Variants in TEAD1 observed in about 807,000 individuals in gnomAD.
TEAD1 encodes transcriptional enhancer factor TEF-1.
In TEAD1, 9 loss-of-function variants were observed where a neutral mutation model predicts 54.9. The ratio of observed to expected loss-of-function variants is 0.16; its 90% CI spans 0.10 to 0.29. The LOEUF is 0.29. Ranked by LOEUF, TEAD1 falls within the 10% of genes least tolerant of loss-of-function variation. The pLI, the probability that TEAD1 is intolerant of heterozygous loss-of-function variation, is 1.00. For synonymous variants in TEAD1, 200 were observed against 187.8 expected (o/e 1.07, Z -0.53); for missense variants, 387 against 535.9 (o/e 0.72, Z 2.74).
At chr11:12,690,356 G>T (rs1215039763) in intron 2 of TEAD1, among the ~76,000 whole-genome samples, 1 of 152,006 alleles carries the variant, frequency 6.6e-6, no homozygotes, top group Non-Finnish European at 1.5e-5. Context: ...TCTAGATGAG[G>T]GTCCCAAACC....
chr11:12,698,259 C>T (rs1207355821), intron 2 of TEAD1, among the ~76,000 whole-genome samples: 1 of 152,116 alleles, frequency 6.6e-6, no homozygotes, highest in Non-Finnish European at 1.5e-5. Flanking sequence ...GGCTGAAATG[C>T]TTCCTGCCAT....
intron 3 of TEAD1, among the ~76,000 whole-genome samples, chr11:12,836,687 T>C (rs1946899975): frequency 6.6e-6 from 1 of 152,172 alleles, no homozygotes; most frequent in South Asian, 2.1e-4. Flanking sequence ...CCAGAATGTA[T>C]TTATTTTTGT....
intron 2 of TEAD1, among the ~76,000 whole-genome samples, chr11:12,713,852 C>T (rs1157264192): frequency 6.6e-6 from 1 of 152,200 alleles, no homozygotes. Context: ...CTCCCGGCAT[C>T]ACATCTCCAT....
intron 2 of TEAD1, among the ~76,000 whole-genome samples, chr11:12,718,900 T>C (rs968277510): frequency 2.0e-5 from 3 of 152,172 alleles, no homozygotes; most frequent in African/African-American, 7.2e-5. Flanking sequence ...GGTTGAGTGG[T>C]ATAAATTTTA....
At chr11:12,708,344 G>A (rs1309454583) in intron 2 of TEAD1, among the ~76,000 whole-genome samples, 2 of 152,002 alleles carry the variant, frequency 1.3e-5, no homozygotes, top group East Asian at 1.9e-4. Context: ...GGGCAAGAAT[G>A]TAACAATGCC....
In TEAD1 at chr11:12,897,088, G is replaced by A. The variant is rs529534655; in HGVS notation, c.700-4852G>A. Reference sequence around the variant, plus strand: ...TTGCATATGTGAGTCATTGACATTCGCCCTTTTTCTGCTCATATCTTGATC... The same window carrying A: ...TTGCATATGTGAGTCATTGACATTCACCCTTTTTCTGCTCATATCTTGATC... On this transcript the variant is annotated intron_variant, in intron 9 of 12. Transcript: ENST00000527636. Among the ~76,000 whole-genome samples, 14 of 152,234 alleles carry A rather than the reference G, an allele frequency of 9.2e-5. 1 individual carries two copies. In the South Asian group the frequency reaches 2.7e-3, roughly 29 times the overall value.
At chr11:12,747,451 C>T (rs561001174) in intron 2 of TEAD1, among the ~76,000 whole-genome samples, 15 of 152,312 alleles carry the variant, frequency 9.8e-5, no homozygotes, top group African/African-American at 3.6e-4. Flanking sequence ...AATCCTGCCT[C>T]AGCCTCCTGA....
intron 3 of TEAD1, among the ~76,000 whole-genome samples, chr11:12,858,791 G>A (rs1467788984): frequency 2.0e-5 from 3 of 152,176 alleles, no homozygotes; most frequent in African/African-American, 7.2e-5. Flanking sequence ...ATAATTTTTA[G>A]AAGTCACTGA....
chr11:12,839,508 T>C (rs958889479), intron 3 of TEAD1, among the ~76,000 whole-genome samples: 1 of 152,234 alleles, frequency 6.6e-6, no homozygotes, highest in African/African-American at 2.4e-5. Context: ...TTCTGGCCTG[T>C]CCATTCAGTT....
At chr11:12,716,250 G>A (rs1177364332) in intron 2 of TEAD1, among the ~76,000 whole-genome samples, 2 of 152,110 alleles carry the variant, frequency 1.3e-5, no homozygotes. Context: ...CAGAATCGCT[G>A]TGCCCCAATC....
intron 2 of TEAD1, among the ~76,000 whole-genome samples, chr11:12,700,963 A>G (rs1429354482): frequency 6.6e-6 from 1 of 152,178 alleles, no homozygotes; most frequent in Non-Finnish European, 1.5e-5. Context: ...ATTTTGGGAA[A>G]GACAAAGCAC....
chr11:12,931,105 A>G (rs1949004523), intron 12 of TEAD1, among the ~76,000 whole-genome samples: 1 of 152,198 alleles, frequency 6.6e-6, no homozygotes, highest in Non-Finnish European at 1.5e-5. Context: ...ATCTCAAAAC[A>G]AACAGACAAA....
At chr11:12,829,933 C>G (rs1356590696) in intron 3 of TEAD1, among the ~76,000 whole-genome samples, 1 of 152,190 alleles carries the variant, frequency 6.6e-6, no homozygotes, top group Non-Finnish European at 1.5e-5. Flanking sequence ...GAGTTCATAG[C>G]TGTCCATAGA....
At chr11:12,745,588 T>G (rs1318387391) in intron 2 of TEAD1, among the ~76,000 whole-genome samples, 17 of 106,582 alleles carry the variant, frequency 1.6e-4, no homozygotes, top group African/African-American at 6.4e-4. Context: ...TTTTAAGGGG[T>G]TTTTTTTTTT....
intron 3 of TEAD1, among the ~76,000 whole-genome samples, chr11:12,834,115 TA>T (rs1338091463): frequency 3.3e-5 from 5 of 152,340 alleles, no homozygotes; most frequent in South Asian, 4.1e-4. Flanking sequence ...CCAATGTGAA[TA>T]AGTGGCTGAC....
At chr11:12,786,735 A>C (rs2133955768) in intron 3 of TEAD1, among the ~76,000 whole-genome samples, 1 of 152,290 alleles carries the variant, frequency 6.6e-6, no homozygotes, top group Middle Eastern at 3.4e-3. Flanking sequence ...TGGTGAACTC[A>C]TGGAGCTTAC....
rs113646291 is a variant in TEAD1 at position 12,756,615 on chromosome 11, TTGA to T, written c.-54-7559_-54-7557del. Among the ~76,000 whole-genome samples the T allele has an allele frequency of 2.7e-3, 413 of 152,342 alleles. 3 individuals carry two copies. Among genetic ancestry groups the T allele is most frequent in the African/African-American group, 9.0e-3 (374 of 41,584 alleles). On this transcript the variant is annotated intron_variant, in intron 2 of 12. Transcript: ENST00000527636. ...TCATTAGGAATTAATTAGACTGTCC[TTGA>T]TGATATCAGTCATCTACAGAGCTAA... is the stretch of plus-strand genomic sequence containing the variant.
chr11:12,931,091 C>G (rs1196263154), intron 12 of TEAD1, among the ~76,000 whole-genome samples: 1 of 152,146 alleles, frequency 6.6e-6, no homozygotes, highest in Non-Finnish European at 1.5e-5. Context: ...CATAGTGACA[C>G]CCTATCTCAA....
chr11:12,919,485 T>C (rs1382247607), intron 10 of TEAD1, among the ~76,000 whole-genome samples: 1 of 152,200 alleles, frequency 6.6e-6, no homozygotes, highest in African/African-American at 2.4e-5. Flanking sequence ...AAGTTAGTGT[T>C]GAATTTTTTT....
Sources: allele counts gnomAD v4.1 joint callset (sites outside exome capture counted in the v4.1 genomes callset), GRCh38; gene constraint gnomAD v4.1.1; transcripts MANE v1.5; gene names NCBI Gene and HGNC (gene_info 2026-07-23, HGNC 2026-07-21).